Variants in LARGE1 observed in about 807,000 individuals in gnomAD.
The protein encoded by LARGE1 is LARGE xylosyl- and glucuronyltransferase 1, also known as xylosyl- and glucuronyltransferase LARGE1.
A neutral mutation model predicts 87.6 loss-of-function variants in LARGE1; 43 were observed. The ratio of observed to expected loss-of-function variants is 0.49; its 90% confidence interval spans 0.38 to 0.63. LARGE1 has a LOEUF of 0.63. Among genes scored for constraint, LARGE1 ranks in the 30% least tolerant of loss-of-function variants. LARGE1 has a pLI of 0.00. For synonymous variants in LARGE1, 434 were observed against 394.6 expected, an observed-to-expected ratio of 1.10 and a Z score of -1.18; for missense variants, 802 against 1,000.2, an observed-to-expected ratio of 0.80 and a Z score of 2.67.
At chr22:33,363,310 A>C (rs747052023) in intron 9 of LARGE1, among the ~76,000 whole-genome samples, 3 of 150,038 alleles carry the variant, frequency 2.0e-5, no homozygotes, top group Non-Finnish European at 4.5e-5. Flanking sequence ...AAAGAGGTTT[A>C]ATGGAGAACT....
intron 10 of LARGE1, among the ~76,000 whole-genome samples, chr22:33,336,354 C>A (rs143384268): frequency 0.011 from 1,721 of 152,162 alleles, 37 homozygotes; most frequent in African/African-American, 0.038. Context: ...GTGCCTGCCA[C>A]CATGCCTGGT....
chr22:33,389,341 C>G (rs551579018), intron 7 of LARGE1, among the ~76,000 whole-genome samples: 2 of 152,330 alleles, frequency 1.3e-5, no homozygotes, highest in African/African-American at 4.8e-5. Flanking sequence ...TTAAAACCCA[C>G]TGGGAGTTAA....
chr22:33,795,216 T>C (rs2085942784), intron 1 of LARGE1, among the ~76,000 whole-genome samples: 1 of 152,262 alleles, frequency 6.6e-6, no homozygotes, highest in Non-Finnish European at 1.5e-5. Context: ...TAACAAGTTG[T>C]AGGGCTGCTG....
intron 1 of LARGE1, among the ~76,000 whole-genome samples, chr22:33,818,600 T>C (rs2267295): frequency 0.072 from 10,900 of 152,198 alleles, 508 homozygotes; most frequent in Admixed American, 0.11. Flanking sequence ...AAGCCTAACT[T>C]TTCCCTCCTG....
chr22:33,716,870 G>A (rs1006381673), intron 2 of LARGE1, among the ~76,000 whole-genome samples: 2 of 152,208 alleles, frequency 1.3e-5, no homozygotes, highest in Admixed American at 6.5e-5. Flanking sequence ...ATGAGAAGGC[G>A]AAAAGACCTG....
intron 12 of LARGE1, among the ~76,000 whole-genome samples, chr22:33,290,954 G>A (rs528825378): frequency 2.6e-5 from 4 of 151,924 alleles, no homozygotes; most frequent in Non-Finnish European, 5.9e-5. Context: ...CAGGAGAATC[G>A]TTTGAACCTG....
Position 33,854,796 on chromosome 22 carries a change from A to G in LARGE1, c.-83+65199T>C, listed in dbSNP as rs933312501. 1.2e-4 allele frequency among the ~76,000 whole-genome samples: 18 copies of G among 152,220 alleles called. 1 individual carries two copies. On this transcript the variant is annotated intron_variant, in intron 1 of 14. Transcript: ENST00000397394. ...AAGCCAAAGAGTTAGCTGTTGAAACAGTTATTCATAAATGTATCGGTGACA... is the reference window on the plus strand; with the variant it reads ...AAGCCAAAGAGTTAGCTGTTGAAACGGTTATTCATAAATGTATCGGTGACA...
intron 9 of LARGE1, among the ~76,000 whole-genome samples, chr22:33,378,657 G>A (rs1414803780): frequency 6.6e-6 from 1 of 152,096 alleles, no homozygotes; most frequent in Non-Finnish European, 1.5e-5. Flanking sequence ...AGATATTGTG[G>A]GGTTATTTTC....
At chr22:33,080,455 G>A in the LARGE1 span, among the ~76,000 whole-genome samples, 5 of 152,146 alleles carry the variant, frequency 3.3e-5, no homozygotes, top group South Asian at 2.1e-4. Flanking sequence ...CATACAGAAT[G>A]TTTCAGATTT....
intron 11 of LARGE1, among the ~76,000 whole-genome samples, chr22:33,196,945 T>C (rs62234397): frequency 4.6e-5 from 7 of 152,176 alleles, no homozygotes; most frequent in African/African-American, 9.6e-5. Context: ...ACTAGCATAA[T>C]GTGTAAAACT....
chr22:33,086,549 CTTTTTTTTTT>C, the LARGE1 span, among the ~76,000 whole-genome samples: 1 of 108,438 alleles, frequency 9.2e-6, no homozygotes, highest in East Asian at 2.6e-4. Context: ...AGTTCTTCTA[CTTTTTTTTTT>C]TTTTTTTTTT....
chr22:33,539,761 G>T (rs999697353), intron 6 of LARGE1, among the ~76,000 whole-genome samples: 3 of 145,910 alleles, frequency 2.1e-5, no homozygotes, highest in Non-Finnish European at 3.0e-5. Flanking sequence ...GTATTTTTTT[G>T]TAGAGAAGAG....
the LARGE1 span, among the ~76,000 whole-genome samples, chr22:33,076,602 A>T: frequency 6.6e-6 from 1 of 152,306 alleles, no homozygotes; most frequent in East Asian, 1.9e-4. Flanking sequence ...GAATTGTATT[A>T]TACAAGTCCT....
intron 1 of LARGE1, among the ~76,000 whole-genome samples, chr22:33,773,677 C>T (rs766963968): frequency 1.1e-4 from 16 of 152,338 alleles, no homozygotes; most frequent in Middle Eastern, 3.4e-3. Context: ...AACCTGGCCT[C>T]AAGCATCAGC....
chr22:33,464,321 T>C (rs949951503), intron 6 of LARGE1, among the ~76,000 whole-genome samples: 2 of 152,186 alleles, frequency 1.3e-5, no homozygotes, highest in African/African-American at 4.8e-5. Flanking sequence ...CCCCAGGTTT[T>C]GGTTTATTTT....
chr22:33,781,478 G>A (rs2145897984), intron 1 of LARGE1, among the ~76,000 whole-genome samples: 2 of 152,212 alleles, frequency 1.3e-5, no homozygotes, highest in South Asian at 4.2e-4. Context: ...TCCAGCCTGG[G>A]CAACAGAACG....
chr22:33,421,675 C>T (rs1211449637), intron 7 of LARGE1, among the ~76,000 whole-genome samples: 1 of 152,162 alleles, frequency 6.6e-6, no homozygotes, highest in East Asian at 1.9e-4. Flanking sequence ...CAGAACAATC[C>T]TTTCTATGGT....
At chr22:33,697,143 G>A (rs561330574) in intron 2 of LARGE1, among the ~76,000 whole-genome samples, 1 of 152,116 alleles carries the variant, frequency 6.6e-6, no homozygotes, top group Admixed American at 6.5e-5. Flanking sequence ...TTCTGCTGCC[G>A]TTTTCTGGCA....
At chr22:33,772,225 C>G (rs920348259) in intron 1 of LARGE1, among the ~76,000 whole-genome samples, 2 of 151,798 alleles carry the variant, frequency 1.3e-5, no homozygotes, top group African/African-American at 4.8e-5. Context: ...CCCAGCTACT[C>G]GGGAAGCTGA....
Sources: allele counts gnomAD v4.1 joint callset (sites outside exome capture counted in the v4.1 genomes callset), GRCh38; gene constraint gnomAD v4.1.1; transcripts MANE v1.5; gene names NCBI Gene and HGNC (gene_info 2026-07-23, HGNC 2026-07-21).